FSIP1: variants seen among roughly 807,000 people sequenced by gnomAD.
The protein encoded by FSIP1 is fibrous sheath interacting protein 1.
A neutral mutation model predicts 60.9 loss-of-function variants in FSIP1; 65 were observed. That is an observed-to-expected ratio of 1.07 (90% CI 0.87 to 1.31). The LOEUF is 1.31. FSIP1 is among the 40% of genes most tolerant of loss of function. The probability of loss-of-function intolerance (pLI) is 0.00; values close to 1 mark genes in which losing one functional copy is unlikely to be tolerated. For synonymous variants in FSIP1, 209 were observed against 221.2 expected (o/e 0.94, Z 0.49); for missense variants, 675 against 665.5 (o/e 1.01, Z -0.16).
At chr15:39,675,521 GTGCACCAC>G (rs1324691840) in intron 10 of FSIP1, among the ~76,000 whole-genome samples, 1 of 152,050 alleles carries the variant, frequency 6.6e-6, no homozygotes, top group Admixed American at 6.5e-5. Context: ...CTAAAAAAGG[GTGCACCAC>G]TGCATACAAA....
chr15:39,754,927 T>C (rs1380590559), intron 5 of FSIP1, among the ~76,000 whole-genome samples: 1 of 152,034 alleles, frequency 6.6e-6, no homozygotes, highest in African/African-American at 2.4e-5. Context: ...AGCGTGACAG[T>C]AGAAAATACA....
intron 10 of FSIP1, among the ~76,000 whole-genome samples, chr15:39,704,596 G>A (rs1461740883): frequency 6.6e-6 from 1 of 152,182 alleles, no homozygotes; most frequent in Non-Finnish European, 1.5e-5. Context: ...GATTATTTCT[G>A]AAAAATCATT....
chr15:39,776,278 T>A, intron 2 of FSIP1, 121 bp downstream of exon 2: 4 of 794,818 alleles, frequency 5.0e-6, no homozygotes, highest in Non-Finnish European at 7.7e-6. Context: ...AATCTGCAAG[T>A]GCTCCCCAAA....
chr15:39,779,324 T>C (rs1898169452), intron 1 of FSIP1, among the ~76,000 whole-genome samples: 1 of 151,098 alleles, frequency 6.6e-6, no homozygotes, highest in African/African-American at 2.5e-5. Flanking sequence ...TGATGACACA[T>C]CAAGGAAGTA....
At chr15:39,670,942 T>C in intron 10 of FSIP1, among the ~76,000 whole-genome samples, 1 of 152,132 alleles carries the variant, frequency 6.6e-6, no homozygotes, top group East Asian at 1.9e-4. Context: ...AAACCACATA[T>C]ATACCACTCA....
At chr15:39,618,672 G>A (rs190889890) in intron 10 of FSIP1, among the ~76,000 whole-genome samples, 10 of 152,302 alleles carry the variant, frequency 6.6e-5, no homozygotes, top group Admixed American at 5.9e-4. Flanking sequence ...CAGAGGCCAG[G>A]GGCATTCCAG....
chr15:39,612,893 AC>A (rs1387467867), intron 11 of FSIP1, among the ~76,000 whole-genome samples: 1 of 152,104 alleles, frequency 6.6e-6, no homozygotes, highest in East Asian at 1.9e-4. Flanking sequence ...AATATAAACG[AC>A]CAAAAATAAA....
intron 8 of FSIP1, among the ~76,000 whole-genome samples, chr15:39,729,638 C>T (rs766296229): frequency 5.9e-5 from 9 of 152,008 alleles, no homozygotes; most frequent in Admixed American, 2.6e-4. Flanking sequence ...CAAAAATCAA[C>T]CTAAATGCCT....
At chr15:39,603,222 G>C (rs1348944434) in intron 11 of FSIP1, among the ~76,000 whole-genome samples, 1 of 152,192 alleles carries the variant, frequency 6.6e-6, no homozygotes, top group Non-Finnish European at 1.5e-5. Flanking sequence ...TGAATGAATG[G>C]ATGGCAGATG....
chr15:39,661,506 G>A (rs1253906438), intron 10 of FSIP1, among the ~76,000 whole-genome samples: 2 of 152,160 alleles, frequency 1.3e-5, no homozygotes, highest in Non-Finnish European at 2.9e-5. Context: ...GAAAAAATAT[G>A]AATTATATGA....
chr15:39,624,717 A>G (rs932904986), intron 10 of FSIP1, among the ~76,000 whole-genome samples: 2 of 152,186 alleles, frequency 1.3e-5, no homozygotes, highest in African/African-American at 4.8e-5. Flanking sequence ...CGGCAGGTAG[A>G]CTGCTCTTAA....
intron 8 of FSIP1, among the ~76,000 whole-genome samples, chr15:39,731,163 T>A (rs533113281): frequency 6.6e-6 from 1 of 152,286 alleles, no homozygotes; most frequent in South Asian, 2.1e-4. Context: ...TTAAACACAC[T>A]TGTAAGTTGG....
At chr15:39,625,917 T>C (rs940709018) in intron 10 of FSIP1, among the ~76,000 whole-genome samples, 2 of 152,178 alleles carry the variant, frequency 1.3e-5, no homozygotes, top group African/African-American at 4.8e-5. Flanking sequence ...CAAGACTGTT[T>C]ATTGGCTATT....
At chr15:39,653,042 G>A (rs1246418712) in intron 10 of FSIP1, among the ~76,000 whole-genome samples, 2 of 151,984 alleles carry the variant, frequency 1.3e-5, no homozygotes, top group East Asian at 1.9e-4. Context: ...CAGGCGTGGT[G>A]GTGTGTGCCT....
intron 9 of FSIP1, among the ~76,000 whole-genome samples, chr15:39,721,242 T>TGCATACG (rs1895960431): frequency 1.3e-5 from 2 of 152,360 alleles, no homozygotes; most frequent in East Asian, 3.9e-4. Flanking sequence ...TAAATCTATA[T>TGCATACG]GCATACCAAC....
intron 10 of FSIP1, among the ~76,000 whole-genome samples, chr15:39,694,489 A>G (rs538265804): frequency 6.6e-6 from 1 of 152,214 alleles, no homozygotes; most frequent in African/African-American, 2.4e-5. Context: ...ATTTACGTGC[A>G]AAGTTTGAAT....
chr15:39,673,801 C>T (rs1185850947), intron 10 of FSIP1, among the ~76,000 whole-genome samples: 1 of 151,944 alleles, frequency 6.6e-6, no homozygotes, highest in Admixed American at 6.6e-5. Context: ...CTTCAACCCA[C>T]CTGCATTAAC....
chr15:39,772,290 G>A (rs28450006), intron 2 of FSIP1, among the ~76,000 whole-genome samples: 62,898 of 151,742 alleles, frequency 0.41, 14,031 homozygotes, highest in Admixed American at 0.5. Flanking sequence ...TCCCATCTCT[G>A]TATAAATATA....
At chr15:39,759,998 AT>A (rs900705744) in intron 5 of FSIP1, among the ~76,000 whole-genome samples, 21 of 152,060 alleles carry the variant, frequency 1.4e-4, no homozygotes, top group Admixed American at 1.3e-4. Context: ...ATTGGGGTGG[AT>A]TTTTTTCAGC....
Sources: gnomAD v4.1 joint callset for allele counts (sites outside exome capture counted in the v4.1 genomes callset) on GRCh38, gnomAD v4.1.1 for gene constraint, MANE v1.5 for transcripts, NCBI Gene and HGNC (gene_info 2026-07-23, HGNC 2026-07-21) for gene names.